Variants in ZEB2 observed in about 807,000 individuals in gnomAD.
ZEB2 encodes the protein zinc finger E-box binding homeobox 2.
A neutral mutation model predicts 99.9 loss-of-function variants in ZEB2; 6 were observed. That is an observed-to-expected ratio of 0.06 (90% CI 0.03 to 0.12). The LOEUF (loss-of-function observed/expected upper bound fraction) is 0.12, where lower values mean the gene tolerates loss of function less well. Among genes scored for constraint, ZEB2 ranks in the 10% least tolerant of loss-of-function variants. ZEB2 has a pLI of 1.00. For missense variants in ZEB2, 969 were observed against 1,502.8 expected, an observed-to-expected ratio of 0.64 and a Z score of 5.87; for synonymous variants, 517 against 542.5, an observed-to-expected ratio of 0.95 and a Z score of 0.65.
At position 144,396,584 on chromosome 2, in the gene ZEB2, C is replaced by G; in HGVS notation, c.2895G>C (p.Leu965Phe). Residue 965 changes from leucine to phenylalanine, a missense_variant, in exon 9 of 10, where the codon TTG becomes TTC. Physicochemically the swap from Leu to Phe is conservative, Grantham distance 22. Coordinates refer to ENST00000627532, the MANE Select transcript of ZEB2 (RefSeq NM_014795.4). ...YQRKQGFQGE[L>F]LDGAQDYMSG... ...ACATGTAGTCTTGTGCTCCATCAAG[C>G]AATTCTCCCTGCGATAGAATCACAC... The G allele has an allele frequency of 6.2e-7, 1 of 1,613,648 alleles. No individual in the cohort carries two copies. The highest frequency in any genetic ancestry group is 8.5e-7 in the Non-Finnish European group (1 of 1,179,958).
At chr2:144,456,226 TAA>T (rs911497201) in intron 2 of ZEB2, among the ~76,000 whole-genome samples, 10 of 152,150 alleles carry the variant, frequency 6.6e-5, no homozygotes, top group African/African-American at 2.4e-4. Flanking sequence ...GTCACAACCA[TAA>T]AGTTATTTTA....
intron 2 of ZEB2, chr2:144,512,342 T>A (rs1705054539): frequency 8.5e-6 from 11 of 1,287,074 alleles, no homozygotes; most frequent in South Asian, 4.9e-5. Context: ...GAAAAGAATC[T>A]CCCACATCTT....
chr2:144,412,964 G>T (rs1375036842), intron 4 of ZEB2, among the ~76,000 whole-genome samples: 1 of 152,190 alleles, frequency 6.6e-6, no homozygotes, highest in African/African-American at 2.4e-5. Flanking sequence ...ATTAGGCAAG[G>T]TTCAGGGTCC....
At chr2:144,506,490 C>T (rs1001062895) in intron 2 of ZEB2, among the ~76,000 whole-genome samples, 26 of 152,126 alleles carry the variant, frequency 1.7e-4, no homozygotes, top group Non-Finnish European at 7.4e-5. Flanking sequence ...ACTGAGAATT[C>T]TCATGATGTG....
chr2:144,463,874 C>T, intron 2 of ZEB2: 1 of 149,266 alleles, frequency 6.7e-6, no homozygotes, highest in Non-Finnish European at 1.5e-5. Flanking sequence ...AAAAGAAAGA[C>T]AGAGAGAGAA....
intron 2 of ZEB2, chr2:144,512,765 G>T: frequency 7.8e-7 from 1 of 1,287,162 alleles, no homozygotes; most frequent in Non-Finnish European, 1.0e-6. Flanking sequence ...AAAACAAATA[G>T]ATCAGCCTAG....
intron 2 of ZEB2, among the ~76,000 whole-genome samples, chr2:144,465,961 G>T (rs1704266470): frequency 1.3e-5 from 2 of 152,124 alleles, no homozygotes; most frequent in Non-Finnish European, 2.9e-5. Context: ...TGAGGTGAGA[G>T]AAACTGACAG....
In ZEB2 at chr2:144,399,940, A is replaced by T; in HGVS notation, c.1247T>A (p.Met416Lys). ...THGFSGTSPFMNGGLGATSPL... is the reference protein window; with the variant it reads ...THGFSGTSPFKNGGLGATSPL... ...GCTGGTGGCTCCAAGCCCACCATTC[A>T]TAAAGGGACTAGTGCCACTAAACCC... Residue 416 changes from methionine to lysine, a missense_variant, in exon 8 of 10, where the codon ATG becomes AAG. Physicochemically the swap from Met to Lys is moderately conservative, Grantham distance 95 (BLOSUM62 -1). Around this residue, in one of 8 missense-constraint regions of ZEB2, gnomAD observed 227 missense variants for 278.2 expected, o/e 0.82. Transcript: ENST00000627532. The surrounding 1 kb of genome is among the most constrained non-coding windows in gnomAD (Gnocchi z 5.6). 1 of 1,614,218 alleles carries T rather than the reference A, an allele frequency of 6.2e-7. No individual in the cohort carries two copies. The highest frequency in any genetic ancestry group is 8.5e-7 in the Non-Finnish European group (1 of 1,180,018).
At chr2:144,390,147 A>C in intron 9 of ZEB2, 119 bp from the exon 10 acceptor site, 1 of 1,060,740 alleles carries the variant, frequency 9.4e-7, no homozygotes, top group South Asian at 1.3e-5. Context: ...CTGAAAGATC[A>C]ACACACCCCG....
intron 2 of ZEB2, among the ~76,000 whole-genome samples, chr2:144,441,692 C>T (rs1703920513): frequency 6.6e-6 from 1 of 152,092 alleles, no homozygotes; most frequent in Non-Finnish European, 1.5e-5. Flanking sequence ...TTAAGTCCTT[C>T]CTAAGTGTTT....
chr2:144,441,632 C>T (rs1392748772), intron 2 of ZEB2, among the ~76,000 whole-genome samples: 2 of 150,392 alleles, frequency 1.3e-5, no homozygotes, highest in Non-Finnish European at 1.5e-5. Context: ...TTACTGTAAA[C>T]AAATGTACTT....
intron 2 of ZEB2, among the ~76,000 whole-genome samples, chr2:144,508,093 C>T (rs1448428482): frequency 1.3e-5 from 2 of 152,202 alleles, no homozygotes; most frequent in Non-Finnish European, 2.9e-5. Flanking sequence ...GTCGTTCATA[C>T]AAATAACATA....
intron 4 of ZEB2, among the ~76,000 whole-genome samples, chr2:144,420,290 G>C (rs1244085220): frequency 6.6e-6 from 1 of 152,132 alleles, no homozygotes; most frequent in Non-Finnish European, 1.5e-5. Context: ...CTGGAGTGCA[G>C]TGGATTATGG....
chr2:144,397,181 T>C (rs1703241190), intron 8 of ZEB2, among the ~76,000 whole-genome samples: 1 of 152,248 alleles, frequency 6.6e-6, no homozygotes, highest in Non-Finnish European at 1.5e-5. Flanking sequence ...TTAATGAATG[T>C]GGATCAGTAA....
rs887315820 is a variant in ZEB2, at chr2:144,384,261, G to A, written c.*5190C>T. 1 of 151,678 alleles carries A rather than the reference G, an allele frequency of 6.6e-6. No individual in the cohort carries two copies. The highest frequency in any genetic ancestry group is 2.4e-5 in the African/African-American group (1 of 41,284). The allele number at this position is 151,678 out of a possible 1,614,324, so 9.4% of individuals were successfully genotyped here. A position where few individuals can be genotyped will look rare whatever the true frequency, so the allele number is the denominator to read the frequency against. On this transcript the variant is annotated 3_prime_UTR_variant, in exon 10 of 10. Transcript: ENST00000627532. ...CTAGATTATAGGTAGTAGGCGACTC[G>A]TTTAATAGAGAAAGTTTTAGCTTGT...
At chr2:144,472,939 T>C (rs1704378864) in intron 2 of ZEB2, among the ~76,000 whole-genome samples, 1 of 152,094 alleles carries the variant, frequency 6.6e-6, no homozygotes, top group Admixed American at 6.6e-5. Context: ...CAGCTGGCAG[T>C]CTCAATGGAG....
chr2:144,404,196 G>A lies in ZEB2; in HGVS notation c.593-66C>T. ...GGTCAGTAAATCAATGGCAGCTAAT[G>A]GGCTGACTGCCCGGGATGGTATGAC... On this transcript the variant is annotated intron_variant, in intron 5 of 9. Coordinates refer to ENST00000627532, the MANE Select transcript of ZEB2 (RefSeq NM_014795.4). 11 of 1,554,104 alleles carry A rather than the reference G, an allele frequency of 7.1e-6. No homozygotes were observed. The South Asian group carries it at 1.1e-4, about 16-fold the overall frequency.
chr2:144,446,767 C>T (rs1370639243), intron 2 of ZEB2, among the ~76,000 whole-genome samples: 1 of 152,072 alleles, frequency 6.6e-6, no homozygotes, highest in Non-Finnish European at 1.5e-5. Context: ...GTAATCCCAG[C>T]ACTTTGGGAG....
intron 2 of ZEB2, among the ~76,000 whole-genome samples, chr2:144,465,655 AC>A (rs1208395355): frequency 6.6e-6 from 1 of 152,170 alleles, no homozygotes; most frequent in Admixed American, 6.5e-5. Context: ...ATAAACAGTC[AC>A]TCTTAGCTTA....
Sources: gnomAD v4.1 joint callset for allele counts (sites outside exome capture counted in the v4.1 genomes callset) on GRCh38, gnomAD v4.1.1 for gene constraint, gnomAD v4.1.1 regional missense constraint, Gnocchi (gnomAD v3.1) non-coding constraint, MANE v1.5 for transcripts, NCBI Gene and HGNC (gene_info 2026-07-23, HGNC 2026-07-21) for gene names.